The following ABCC2 variants were observed in gnomAD, a reference collection of about 807,000 sequenced individuals.
The protein encoded by ABCC2 is ATP binding cassette subfamily C member 2.
ABCC2 carries 157 observed loss-of-function variants against 173.4 expected under a neutral mutation model. The observed-to-expected ratio is 0.91, with a 90% CI of 0.80 to 1.03. The LOEUF is 1.03. ABCC2 is among the 50% of genes least tolerant of loss of function. The pLI is 0.00. For synonymous variants in ABCC2, 657 were observed against 693.5 expected, an observed-to-expected ratio of 0.95 and a Z score of 0.83; for missense variants, 1,822 against 1,852.3, an observed-to-expected ratio of 0.98 and a Z score of 0.30.
intron 11 of ABCC2, among the ~76,000 whole-genome samples, chr10:99,805,822 T>A (rs180908297): frequency 6.6e-6 from 1 of 152,244 alleles, no homozygotes; most frequent in African/African-American, 2.4e-5. Context: ...ATCTCAGAGA[T>A]CTTGTCATTT....
At position 99,851,682 on chromosome 10, in the gene ABCC2, A is replaced by T; in HGVS notation, c.*51A>T. The T allele has an allele frequency of 6.6e-7, 1 of 1,513,912 alleles. No individual in the cohort carries two copies. Among genetic ancestry groups the T allele is most frequent in the South Asian group, 1.2e-5 (1 of 80,952 alleles). The allele number at this position is 1,513,912 out of a possible 1,614,324, so 93.8% of individuals were successfully genotyped here. On this transcript the variant is annotated 3_prime_UTR_variant, in exon 32 of 32. Transcript: ENST00000647814. ...GACTATAAGAATAATTTCTTATTTA[A>T]TTTTATTTTTTATAAAATACAGAAT...
At chr10:99,849,521 C>G (rs1414296512) in intron 30 of ABCC2, among the ~76,000 whole-genome samples, 8 of 152,216 alleles carry the variant, frequency 5.3e-5, no homozygotes. Context: ...GAGTTTCAAA[C>G]CTGGCCTGGG....
At chr10:99,824,642 G>C (rs866457422) in intron 19 of ABCC2, among the ~76,000 whole-genome samples, 1 of 149,238 alleles carries the variant, frequency 6.7e-6, no homozygotes, top group South Asian at 2.1e-4. Flanking sequence ...CAAATTTTTC[G>C]CAATCCTGCT....
At chr10:99,783,214 G>C (rs2037645528) in intron 1 of ABCC2, among the ~76,000 whole-genome samples, 1 of 152,176 alleles carries the variant, frequency 6.6e-6, no homozygotes, top group African/African-American at 2.4e-5. Flanking sequence ...CTAGTAGAAG[G>C]AAGAGAAGAT....
At chr10:99,843,281 C>T (rs1253919342) in intron 26 of ABCC2, among the ~76,000 whole-genome samples, 1 of 152,208 alleles carries the variant, frequency 6.6e-6, no homozygotes, top group Non-Finnish European at 1.5e-5. Context: ...TCAATCTACA[C>T]AAAGTGGATA....
At chr10:99,797,900 C>G (rs1159458765) in intron 7 of ABCC2, 1 of 162,098 alleles carries the variant, frequency 6.2e-6, no homozygotes. Flanking sequence ...AGATCAGGCC[C>G]TCTGAGGGAC....
At chr10:99,850,497 G>T in intron 30 of ABCC2, 105 bp from the exon 31 acceptor site, 1 of 1,104,680 alleles carries the variant, frequency 9.1e-7, no homozygotes, top group Non-Finnish European at 1.3e-6. Flanking sequence ...GAATTTTGGA[G>T]GGGGGGTTTT....
chr10:99,796,039 A>G (rs1223165028), intron 6 of ABCC2, among the ~76,000 whole-genome samples: 1 of 152,106 alleles, frequency 6.6e-6, no homozygotes, highest in Non-Finnish European at 1.5e-5. Context: ...CCATATTCTC[A>G]AACTCCTGGC....
At chr10:99,828,047 G>A (rs2038676598) in intron 19 of ABCC2, among the ~76,000 whole-genome samples, 1 of 148,794 alleles carries the variant, frequency 6.7e-6, no homozygotes, top group Non-Finnish European at 1.5e-5. Flanking sequence ...AGAGTTCTCT[G>A]AGTTATTGCT....
At chr10:99,832,618 C>A (rs2133117159) in intron 23 of ABCC2, among the ~76,000 whole-genome samples, 1 of 152,270 alleles carries the variant, frequency 6.6e-6, no homozygotes, top group Middle Eastern at 3.4e-3. Flanking sequence ...CAGCCTGGGA[C>A]AGGAAATACA....
chr10:99,844,433 G>C lies in ABCC2; in HGVS notation c.3955G>C (p.Gly1319Arg), dbSNP rs1257611201. 6.2e-7 allele frequency: 1 copy of C among 1,614,164 alleles called. No individual in the cohort carries two copies. Among genetic ancestry groups the C allele is most frequent in the Admixed American group, 1.7e-5 (1 of 60,030 alleles). The change falls in exon 28 of 32, where the codon GGG (glycine) becomes CGG (arginine). Residue 1319 changes from glycine to arginine, a missense_variant. Transcript: ENST00000647814. Reference sequence around the variant, plus strand: ...ACCTGAGCTGGATCTGGTCCTCAGAGGGATCACTTGTGACATCGGTAGCAT... The same window carrying C: ...ACCTGAGCTGGATCTGGTCCTCAGACGGATCACTTGTGACATCGGTAGCAT... ...YRPELDLVLR[G>R]ITCDIGSMEK... is the part of the protein sequence containing the mutation.
At position 99,785,200 on chromosome 10, in the gene ABCC2, A is replaced by G. The variant is rs574581331; in HGVS notation, c.207+419A>G. On this transcript the variant is annotated intron_variant, in intron 2 of 31. Transcript: ENST00000647814. Reference sequence around the variant, plus strand: ...CACTGAGGCAATCCAACTATCACTCATCTTCAAAAACTTGGGTCCGAAATA... The same window carrying G: ...CACTGAGGCAATCCAACTATCACTCGTCTTCAAAAACTTGGGTCCGAAATA... Among the ~76,000 whole-genome samples the G allele has an allele frequency of 1.6e-3, 242 of 152,330 alleles. 2 individuals are homozygous for G. The highest frequency in any genetic ancestry group is 0.011 in the South Asian group (53 of 4,822).
At chr10:99,799,602 G>T (rs549104270) in intron 8 of ABCC2, among the ~76,000 whole-genome samples, 20 of 152,252 alleles carry the variant, frequency 1.3e-4, no homozygotes, top group African/African-American at 4.8e-4. Flanking sequence ...CTCCTCATAG[G>T]GGGCCGGGTA....
intron 2 of ABCC2, among the ~76,000 whole-genome samples, chr10:99,789,725 A>AG (rs1423878378): frequency 6.8e-6 from 1 of 147,802 alleles, no homozygotes; most frequent in Admixed American, 6.8e-5. Flanking sequence ...AAAAAAAAAA[A>AG]AGAAAAAGGA....
intron 16 of ABCC2, among the ~76,000 whole-genome samples, chr10:99,814,424 C>T (rs111218156): frequency 1.5e-5 from 2 of 133,422 alleles, no homozygotes; most frequent in Non-Finnish European, 3.3e-5. Context: ...TATATGTGTG[C>T]ATATATGTGT....
Position 99,813,040 on chromosome 10 carries a change from G to A in ABCC2, c.1990G>A (p.Gly664Ser), listed in dbSNP as rs1284223849. 9 of 1,614,044 alleles carry A rather than the reference G, an allele frequency of 5.6e-6. No homozygotes were observed. Among genetic ancestry groups the A allele is most frequent in the Non-Finnish European group, 6.8e-6 (8 of 1,179,914 alleles). ...CAGTGTGAACCTGGACATTATGGCA[G>A]GCCAACTTGTGGCTGTGATAGGCCC... ...VRDVNLDIMA[G>S]QLVAVIGPVG... The change falls in exon 16 of 32, where the codon GGC becomes AGC. Residue 664 changes from glycine to serine, a missense_variant. Transcript: ENST00000647814.
intron 19 of ABCC2, among the ~76,000 whole-genome samples, chr10:99,826,112 A>G (rs1021950433): frequency 4.5e-4 from 68 of 152,222 alleles, no homozygotes; most frequent in Non-Finnish European, 8.7e-4. Flanking sequence ...TTGCTTGAAT[A>G]GTTATATTCT....
chr10:99,814,258 C>CAT (rs1218688259), intron 16 of ABCC2, among the ~76,000 whole-genome samples: 4 of 49,976 alleles, frequency 8.0e-5, no homozygotes, highest in Non-Finnish European at 1.6e-4. Flanking sequence ...CGTATGTATA[C>CAT]ACACGTATGT....
chr10:99,818,446 G>A (rs139382360), intron 17 of ABCC2, among the ~76,000 whole-genome samples: 4 of 152,120 alleles, frequency 2.6e-5, no homozygotes, highest in African/African-American at 4.8e-5. Context: ...ATTAGCATAC[G>A]CTTATTGAGC....
Sources: allele counts gnomAD v4.1 joint callset (sites outside exome capture counted in the v4.1 genomes callset), GRCh38; gene constraint gnomAD v4.1.1; transcripts MANE v1.5; gene names NCBI Gene and HGNC (gene_info 2026-07-23, HGNC 2026-07-21).